Variants in MS4A6E observed in about 807,000 individuals in gnomAD.
MS4A6E encodes membrane spanning 4-domains A6E.
A neutral mutation model predicts 13.2 loss-of-function variants in MS4A6E; 8 were observed. The observed-to-expected ratio is 0.60, with a 90% CI of 0.35 to 1.09. MS4A6E has a LOEUF of 1.09. MS4A6E is among the 50% of genes least tolerant of loss of function. MS4A6E has a pLI of 0.02. For synonymous variants in MS4A6E, 72 were observed against 67.6 expected (o/e 1.06, Z -0.32); for missense variants, 177 against 171.1 (o/e 1.03, Z -0.19).
intron 4 of MS4A6E, among the ~76,000 whole-genome samples, chr11:60,340,431 C>A (rs1389662282): frequency 6.6e-6 from 1 of 152,126 alleles, no homozygotes; most frequent in African/African-American, 2.4e-5. Flanking sequence ...TGCTTTTCCT[C>A]CTGGTGATTT....
chr11:60,329,863 T>A (rs995744065), intron 1 of MS4A6E, among the ~76,000 whole-genome samples: 2 of 148,550 alleles, frequency 1.3e-5, no homozygotes, highest in African/African-American at 5.0e-5. Context: ...TATCGTTCAG[T>A]CACCCAGGCT....
rs1357479515 is a variant in MS4A6E, at chr11:60,341,324, CT to C, written c.*561del. 1.3e-5 allele frequency among the ~76,000 whole-genome samples: 2 copies of C among 152,142 alleles called. No individual in the cohort carries two copies. Among genetic ancestry groups the C allele is most frequent in the African/African-American group, 2.4e-5 (1 of 41,416 alleles). On this transcript the variant is annotated 3_prime_UTR_variant, in exon 5 of 5. Coordinates refer to ENST00000684409, the MANE Select transcript of MS4A6E (RefSeq NM_139249.4). ...AAAGTAGCCGGCTTCAAAATAAAAT[CT>C]TTGAGTGCATACTTTATTTTAATAC...
intron 1 of MS4A6E, among the ~76,000 whole-genome samples, chr11:60,329,232 G>T (rs1052401734): frequency 6.6e-6 from 1 of 151,800 alleles, no homozygotes; most frequent in Non-Finnish European, 1.5e-5. Flanking sequence ...TTATGAGTGA[G>T]AATATGCAGT....
chr11:60,330,380 TG>T (rs1190057537), intron 1 of MS4A6E, among the ~76,000 whole-genome samples: 3 of 126,744 alleles, frequency 2.4e-5, no homozygotes, highest in Admixed American at 8.3e-5. Context: ...CTCACTCTTT[TG>T]CCCAGGCTGG....
downstream of MS4A6E, among the ~76,000 whole-genome samples, chr11:60,344,832 T>C (rs1292656428): frequency 6.6e-6 from 1 of 152,248 alleles, no homozygotes; most frequent in Non-Finnish European, 1.5e-5. Context: ...CCTTACAGTG[T>C]AGCACTGTTA....
downstream of MS4A6E, among the ~76,000 whole-genome samples, chr11:60,346,265 G>A (rs1223430495): frequency 2.0e-5 from 3 of 152,164 alleles, no homozygotes. Flanking sequence ...GGATGCACCT[G>A]AGGAATCCTG....
intron 1 of MS4A6E, among the ~76,000 whole-genome samples, chr11:60,331,949 G>T (rs2085158766): frequency 6.6e-6 from 1 of 152,168 alleles, no homozygotes; most frequent in Non-Finnish European, 1.5e-5. Flanking sequence ...CACACTTGAG[G>T]ATATGCCAGC....
chr11:60,332,538 A>G (rs901535706), intron 1 of MS4A6E, among the ~76,000 whole-genome samples: 4 of 152,294 alleles, frequency 2.6e-5, no homozygotes, highest in Middle Eastern at 3.4e-3. Context: ...CTCCTTCACG[A>G]CCAGGGGAAT....
At chr11:60,335,619 T>C (rs768953405) in intron 2 of MS4A6E, 57 of 454,686 alleles carry the variant, frequency 1.3e-4, no homozygotes, top group African/African-American at 9.2e-4. Flanking sequence ...TTTTGGTTTC[T>C]AGAATTGCCT....
intron 2 of MS4A6E, chr11:60,335,703 C>T (rs191610005): frequency 2.4e-6 from 1 of 418,934 alleles, no homozygotes; most frequent in Non-Finnish European, 4.7e-6. Context: ...GGTTTCCTTG[C>T]CTCATGTACA....
At chr11:60,347,642 C>T (rs934708857) in intron 4 of MS4A6E, among the ~76,000 whole-genome samples, 16 of 151,656 alleles carry the variant, frequency 1.1e-4, no homozygotes, top group Non-Finnish European at 2.1e-4. Flanking sequence ...AGGGTGGAGG[C>T]GAAGACAGTG....
At chr11:60,335,635 C>T (rs2085184265) in intron 2 of MS4A6E, 1 of 450,278 alleles carries the variant, frequency 2.2e-6, no homozygotes, top group Non-Finnish European at 4.4e-6. Context: ...TGCCTCTGCA[C>T]TTATGTGATC....
intron 1 of MS4A6E, among the ~76,000 whole-genome samples, chr11:60,329,237 T>C (rs2085139051): frequency 6.6e-6 from 1 of 151,878 alleles, no homozygotes; most frequent in African/African-American, 2.4e-5. Flanking sequence ...AGTGAGAATA[T>C]GCAGTGTTTG....
At chr11:60,328,667 C>T (rs531146196) in intron 1 of MS4A6E, among the ~76,000 whole-genome samples, 1 of 152,212 alleles carries the variant, frequency 6.6e-6, no homozygotes, top group South Asian at 2.1e-4. Context: ...ACATATTGCA[C>T]AATCTCATTT....
At chr11:60,344,491 G>A (rs2085247089), downstream of MS4A6E, among the ~76,000 whole-genome samples, 2 of 152,166 alleles carry the variant, frequency 1.3e-5, no homozygotes, top group African/African-American at 4.8e-5. Flanking sequence ...GTTCTCTCCT[G>A]AAAACAATCT....
chr11:60,346,439 C>T (rs532262885), intron 4 of MS4A6E, among the ~76,000 whole-genome samples: 2 of 152,302 alleles, frequency 1.3e-5, no homozygotes, highest in South Asian at 2.1e-4. Context: ...GCTGTAGTTT[C>T]CTCTTAATGT....
chr11:60,331,263 GTTC>G (rs1422852213), intron 1 of MS4A6E, among the ~76,000 whole-genome samples: 3 of 151,748 alleles, frequency 2.0e-5, no homozygotes, highest in Admixed American at 6.6e-5. Flanking sequence ...CCAATATATA[GTTC>G]TTATTACAAT....
At chr11:60,348,975 A>G (rs377753341) in intron 4 of MS4A6E, among the ~76,000 whole-genome samples, 1 of 152,260 alleles carries the variant, frequency 6.6e-6, no homozygotes, top group African/African-American at 2.4e-5. Context: ...GAACAATTAG[A>G]CAAAGTCTAA....
Position 60,340,943 on chromosome 11 carries a change from T to C in MS4A6E, c.*177T>C, listed in dbSNP as rs1447204730. 1.3e-5 allele frequency: 2 copies of C among 152,688 alleles called. 1 individual carries two copies. Among genetic ancestry groups the C allele is most frequent in the East Asian group, 3.8e-4 (2 of 5,204 alleles). 9.5% of individuals were successfully genotyped at this position (152,688 alleles called of 1,614,324 possible). A position where few individuals can be genotyped will look rare whatever the true frequency, so the allele number is the denominator to read the frequency against. On this transcript the variant is annotated 3_prime_UTR_variant, in exon 5 of 5. Transcript: ENST00000684409. ...GTTTCCTAAATGTAAGCATTTAAAG[T>C]AATGCATATTTGTTTTAAAAAATTA... is the stretch of plus-strand genomic sequence containing the variant.
Sources: allele counts gnomAD v4.1 joint callset (sites outside exome capture counted in the v4.1 genomes callset), GRCh38; gene constraint gnomAD v4.1.1; transcripts MANE v1.5; gene names NCBI Gene and HGNC (gene_info 2026-07-23, HGNC 2026-07-21).